SP6: variants seen among roughly 807,000 people sequenced by gnomAD.
SP6 encodes the protein transcription factor Sp6.
Under a neutral mutation model 23.4 loss-of-function variants are expected in SP6, and 10 were observed. The observed-to-expected ratio is 0.43, with a 90% CI of 0.26 to 0.72. The LOEUF (loss-of-function observed/expected upper bound fraction) is 0.72. Ranked by LOEUF, SP6 falls within the 30% of genes least tolerant of loss-of-function variation. The pLI is 0.23. For missense variants in SP6, 482 were observed against 523.8 expected (o/e 0.92, Z 0.78); for synonymous variants, 238 against 238.7 (o/e 1.00, Z 0.03).
chr17:47,874,482 G>C, the SP6 span, among the ~76,000 whole-genome samples: 3 of 152,158 alleles, frequency 2.0e-5, no homozygotes, highest in Non-Finnish European at 2.9e-5. Context: ...TGAGGTAGAA[G>C]GACTGCTTGA....
chr17:47,869,572 C>T, the SP6 span, among the ~76,000 whole-genome samples: 1 of 152,122 alleles, frequency 6.6e-6, no homozygotes, highest in Non-Finnish European at 1.5e-5. Flanking sequence ...AAGCAAAGGA[C>T]GAATCTCACG....
In SP6 at chr17:47,848,196, G is replaced by C; in HGVS notation, c.234C>G (p.Cys78Trp). The C allele has an allele frequency of 1.2e-6, 2 of 1,613,024 alleles. No homozygotes were observed. The highest frequency in any genetic ancestry group is 1.1e-5 in the South Asian group (1 of 91,078). Reference sequence around the variant, plus strand: ...AGGGACTGTCGCTTTCCAGGTCCTCGCAGGTTACCCGCGAGGAGGCCCCTG... The same window carrying C: ...AGGGACTGTCGCTTTCCAGGTCCTCCCAGGTTACCCGCGAGGAGGCCCCTG... ...ELPGASSRVT[C>W]EDLESDSPLA... Residue 78 changes from cysteine to tryptophan, a missense_variant, in exon 2 of 2, where the codon TGC becomes TGG. Physicochemically the swap from Cys to Trp is radical, Grantham distance 215 (BLOSUM62 -2). Transcript: ENST00000536300. The surrounding 1 kb of genome is among the most constrained non-coding windows in gnomAD (Gnocchi z 5.3).
the SP6 span, among the ~76,000 whole-genome samples, chr17:47,861,772 A>G: frequency 6.6e-6 from 1 of 152,066 alleles, no homozygotes; most frequent in African/African-American, 2.4e-5. Flanking sequence ...GCAGCCAGCC[A>G]CGGTGGCTCA....
chr17:47,855,848 G>A (rs1339696955), upstream of SP6: 1 of 152,252 alleles, frequency 6.6e-6, no homozygotes, highest in Non-Finnish European at 1.5e-5. Flanking sequence ...CTCTCCTAGG[G>A]GAGTGGTAGG....
intron 1 of SP6, among the ~76,000 whole-genome samples, chr17:47,849,532 G>C (rs764138877): frequency 5.9e-5 from 9 of 152,186 alleles, no homozygotes; most frequent in Non-Finnish European, 1.2e-4. Context: ...ACCACCACCA[G>C]AAGATTCTTA....
Position 47,847,433 on chromosome 17 carries a change from T to C in SP6, c.997A>G (p.Met333Val). ...TCCTTGGCGCCCTCGTGGGTTTTCA[T>C]GTGCTTGGCCAGGTGGTCGCTGCGC... Reference protein sequence around the residue: ...FMRSDHLAKHMKTHEGAKEEA... With the variant: ...FMRSDHLAKHVKTHEGAKEEA... Residue 333 changes from methionine (M) to valine (V), a missense_variant, in exon 2 of 2, where the codon ATG becomes GTG. By Grantham distance (21) the Met-to-Val change is conservative. Around this residue, in one of 3 missense-constraint regions of SP6, gnomAD observed 101 missense variants for 99.3 expected, o/e 1.02. Transcript: ENST00000536300. The C allele has an allele frequency of 6.2e-7, 1 of 1,613,656 alleles. No homozygotes were observed. Among genetic ancestry groups the C allele is most frequent in the Non-Finnish European group, 8.5e-7 (1 of 1,179,900 alleles).
chr17:47,867,866 C>A, the SP6 span, among the ~76,000 whole-genome samples: 2 of 152,168 alleles, frequency 1.3e-5, no homozygotes, highest in South Asian at 4.1e-4. Context: ...GATCTCACCC[C>A]CACTGGAAGC....
chr17:47,847,812 CAGG>C lies in SP6; in HGVS notation c.615_617del (p.Ser205_Leu206delinsArg). 1 of 1,532,690 alleles carries C rather than the reference CAGG, an allele frequency of 6.5e-7. No individual in the cohort carries two copies. The highest frequency in any genetic ancestry group is 8.7e-7 in the Non-Finnish European group (1 of 1,143,552). 94.9% of individuals were successfully genotyped at this position (1,532,690 alleles called of 1,614,324 possible). ...AGCCTTTGGGACGCGCCGCCCCGTCCAGGCTGGAATCCAGCCCTTGAGACTCCG... is the reference window on the plus strand; with the variant it reads ...AGCCTTTGGGACGCGCCGCCCCGTCCCTGGAATCCAGCCCTTGAGACTCCG... On this transcript the variant is annotated inframe_deletion, in exon 2 of 2. Coordinates refer to ENST00000536300, the MANE Select transcript of SP6 (RefSeq NM_001258248.2).
chr17:47,851,939 A>ACCTAAG, upstream of SP6, among the ~76,000 whole-genome samples: 1 of 150,936 alleles, frequency 6.6e-6, no homozygotes, highest in Non-Finnish European at 1.5e-5. Flanking sequence ...CCCTCCCCTT[A>ACCTAAG]GGTAGCAACC....
At chr17:47,858,965 G>A (rs541717020), upstream of SP6, among the ~76,000 whole-genome samples, 104 of 151,936 alleles carry the variant, frequency 6.8e-4, no homozygotes, top group Middle Eastern at 6.8e-3. Context: ...GGTAGAGACG[G>A]AGTTTCACCA....
chr17:47,875,845 C>T, the SP6 span, among the ~76,000 whole-genome samples: 2 of 152,172 alleles, frequency 1.3e-5, no homozygotes, highest in Non-Finnish European at 2.9e-5. Context: ...CACACACTTT[C>T]GATCTTTTTC....
the SP6 span, among the ~76,000 whole-genome samples, chr17:47,867,598 G>A: frequency 6.6e-6 from 1 of 152,304 alleles, no homozygotes; most frequent in African/African-American, 2.4e-5. Context: ...CACACAGTCA[G>A]TGGAGGCTCC....
At chr17:47,849,198 A>T (rs1465905993) in intron 1 of SP6, among the ~76,000 whole-genome samples, 1 of 151,840 alleles carries the variant, frequency 6.6e-6, no homozygotes, top group African/African-American at 2.4e-5. Context: ...AATCTGGGAG[A>T]TACCCCCACC....
upstream of SP6, among the ~76,000 whole-genome samples, chr17:47,860,772 G>A (rs1239250888): frequency 6.6e-6 from 1 of 151,696 alleles, no homozygotes; most frequent in African/African-American, 2.4e-5. Flanking sequence ...ACATCACTGA[G>A]AGTTGGCCTC....
chr17:47,852,864 T>C (rs1004031205), upstream of SP6, among the ~76,000 whole-genome samples: 3 of 152,178 alleles, frequency 2.0e-5, no homozygotes, highest in African/African-American at 7.2e-5. Context: ...AAGGAATTGA[T>C]ATGCCTAAAA....
In SP6 at chr17:47,848,393, G is replaced by A; in HGVS notation, c.37C>T (p.His13Tyr). Residue 13 changes from histidine (H) to tyrosine (Y), a missense_variant, in exon 2 of 2, where the codon CAC (histidine) becomes TAC (tyrosine). By Grantham distance (83) the His-to-Tyr change is moderately conservative (BLOSUM62 2). This residue lies in a region of SP6 where 330 missense variants were observed against 332.3 expected (regional missense o/e 0.99). Coordinates refer to ENST00000536300, the MANE Select transcript of SP6 (RefSeq NM_001258248.2). The surrounding 1 kb of genome is among the most constrained non-coding windows in gnomAD (Gnocchi z 5.3). ...TAVCGSLGSQ[H>Y]TEAPHASPPR... ...GGGGAGGCGTGCGGCGCTTCCGTGT[G>A]CTGGCTGCCCAGAGAGCCGCAGACA... 6.5e-7 allele frequency: 1 copy of A among 1,546,736 alleles called. No homozygotes were observed. The highest frequency in any genetic ancestry group is 1.2e-5 in the South Asian group (1 of 82,574).
At chr17:47,873,612 C>T in the SP6 span, among the ~76,000 whole-genome samples, 2 of 152,134 alleles carry the variant, frequency 1.3e-5, no homozygotes, top group African/African-American at 4.8e-5. Context: ...TATCAAGTGG[C>T]TATCTCTGGG....
the SP6 span, among the ~76,000 whole-genome samples, chr17:47,868,172 C>T: frequency 1.3e-5 from 2 of 152,196 alleles, no homozygotes; most frequent in African/African-American, 4.8e-5. Flanking sequence ...CAGAGCCTCG[C>T]CATGCCAACA....
At chr17:47,852,557 A>T (rs2033968789), upstream of SP6, among the ~76,000 whole-genome samples, 1 of 152,094 alleles carries the variant, frequency 6.6e-6, no homozygotes, top group Non-Finnish European at 1.5e-5. Flanking sequence ...ACTTGAATTT[A>T]GGCTGATTTA....
Sources: gnomAD v4.1 joint callset for allele counts (sites outside exome capture counted in the v4.1 genomes callset) on GRCh38, gnomAD v4.1.1 for gene constraint, gnomAD v4.1.1 regional missense constraint, Gnocchi (gnomAD v3.1) non-coding constraint, MANE v1.5 for transcripts, NCBI Gene and HGNC (gene_info 2026-07-23, HGNC 2026-07-21) for gene names.